The following SH3RF3 variants were observed in gnomAD, a reference collection of about 807,000 sequenced individuals.
SH3RF3 encodes E3 ubiquitin-protein ligase SH3RF3.
A neutral mutation model predicts 66.3 loss-of-function variants in SH3RF3; 29 were observed. That is an observed-to-expected ratio of 0.44 (90% CI 0.33 to 0.60). SH3RF3 has a LOEUF of 0.60. SH3RF3 is among the 20% of genes least tolerant of loss of function. The pLI is 0.04. For missense variants in SH3RF3, 1,194 were observed against 1,190.9 expected, an observed-to-expected ratio of 1.00 and a Z score of -0.04; for synonymous variants, 583 against 532.0, an observed-to-expected ratio of 1.10 and a Z score of -1.32.
At chr2:109,393,705 C>T (rs749875508) in intron 3 of SH3RF3, among the ~76,000 whole-genome samples, 1 of 151,926 alleles carries the variant, frequency 6.6e-6, no homozygotes, top group African/African-American at 2.4e-5. Flanking sequence ...CAAGCCCTGT[C>T]GCTCAGTGCT....
chr2:109,466,133 G>A lies in SH3RF3; in HGVS notation c.2148+16644G>A, dbSNP rs1473262626. 7.6e-5 allele frequency among the ~76,000 whole-genome samples: 10 copies of A among 130,722 alleles called. No homozygotes were observed. In the Admixed American group the frequency reaches 8.2e-4, roughly 11 times the overall value. The allele number at this position is 130,722 out of a possible 152,430, so 85.8% of individuals were successfully genotyped here. On this transcript the variant is annotated intron_variant, in intron 8 of 9. Transcript: ENST00000309415. Reference sequence around the variant, plus strand: ...CTCGCTCCGTCGCCCAGGCTGGAGTGCAGCAGTGCTATCTCGGCTCACTGC... The same window carrying A: ...CTCGCTCCGTCGCCCAGGCTGGAGTACAGCAGTGCTATCTCGGCTCACTGC...
At position 109,490,832 on chromosome 2, in the gene SH3RF3, C is replaced by T. The variant is rs1449615128; in HGVS notation, c.2376C>T (p.His792=). 16 of 1,536,820 alleles carry T rather than the reference C, an allele frequency of 1.0e-5. No individual in the cohort carries two copies. In the East Asian group the frequency reaches 3.7e-4, roughly 35 times the overall value. ...MQGAMGMEPL[H]RKAGSLDLNF... ...GTGCCATGGGGATGGAGCCTCTGCA[C>T]AGGAAGGCAGGCTCCTTGGATCTAA... The change falls in exon 9 of 10, where the codon CAC becomes CAT. Residue 792 remains histidine, a synonymous_variant. Coordinates refer to ENST00000309415, the MANE Select transcript of SH3RF3 (RefSeq NM_001099289.3).
At chr2:109,199,418 T>TTAACC (rs1678591741) in intron 1 of SH3RF3, among the ~76,000 whole-genome samples, 3 of 874 alleles carry the variant, frequency 3.4e-3, no homozygotes, top group African/African-American at 6.9e-3. Context: ...TGGAATGGAA[T>TTAACC]GGAATGGAAT....
rs150748219 is a variant in SH3RF3, at chr2:109,473,482, A to G, written c.2149-17123A>G. ...GGCTGTGGGGGATGTAAAATAGCAG[A>G]TATAGGTGATAAAGAAGGCCTGAGC... On this transcript the variant is annotated intron_variant, in intron 8 of 9. Coordinates refer to ENST00000309415, the MANE Select transcript of SH3RF3 (RefSeq NM_001099289.3). 5.9e-4 allele frequency among the ~76,000 whole-genome samples: 90 copies of G among 152,280 alleles called. 1 individual carries two copies. The highest frequency in any genetic ancestry group is 1.0e-3 in the South Asian group (5 of 4,818).
intron 2 of SH3RF3, among the ~76,000 whole-genome samples, chr2:109,362,798 T>A (rs901686275): frequency 6.6e-6 from 1 of 152,186 alleles, no homozygotes; most frequent in Non-Finnish European, 1.5e-5. Context: ...CTTGGGGAAT[T>A]GACCCCTTCG....
intron 1 of SH3RF3, among the ~76,000 whole-genome samples, chr2:109,321,403 A>C (rs1264875620): frequency 6.6e-6 from 1 of 152,268 alleles, no homozygotes; most frequent in Non-Finnish European, 1.5e-5. Flanking sequence ...TTTGAAGTGG[A>C]AATTAGTTGA....
intron 7 of SH3RF3, among the ~76,000 whole-genome samples, chr2:109,447,035 G>A (rs1483825170): frequency 2.0e-5 from 3 of 151,560 alleles, no homozygotes; most frequent in East Asian, 1.9e-4. Flanking sequence ...TAAATGACCC[G>A]AGGCCCCTGG....
At chr2:109,162,141 T>C (rs1677504327) in intron 1 of SH3RF3, among the ~76,000 whole-genome samples, 2 of 152,184 alleles carry the variant, frequency 1.3e-5, no homozygotes, top group South Asian at 4.1e-4. Flanking sequence ...CCTTTACAAA[T>C]GCTTTGGCTC....
intron 2 of SH3RF3, among the ~76,000 whole-genome samples, chr2:109,369,025 A>G (rs917926620): frequency 6.6e-6 from 1 of 152,044 alleles, no homozygotes; most frequent in Admixed American, 6.6e-5. Context: ...GCCCCACTCT[A>G]GTGTCCTCGT....
At chr2:109,461,144 C>T (rs1217442616) in intron 8 of SH3RF3, among the ~76,000 whole-genome samples, 3 of 152,226 alleles carry the variant, frequency 2.0e-5, no homozygotes, top group African/African-American at 7.2e-5. Flanking sequence ...TGCTCTAACC[C>T]GATCATGTGT....
chr2:109,358,616 T>C (rs1182416208), intron 2 of SH3RF3, among the ~76,000 whole-genome samples: 1 of 152,250 alleles, frequency 6.6e-6, no homozygotes, highest in Non-Finnish European at 1.5e-5. Context: ...GGTCTTTGAC[T>C]CACCATTCAA....
At chr2:109,484,360 C>A (rs1042904861) in intron 8 of SH3RF3, among the ~76,000 whole-genome samples, 2 of 152,170 alleles carry the variant, frequency 1.3e-5, no homozygotes, top group Admixed American at 6.5e-5. Context: ...AGCCACCCTG[C>A]CTGGTCATCC....
At chr2:109,383,844 G>A (rs554622950) in intron 3 of SH3RF3, among the ~76,000 whole-genome samples, 58 of 152,314 alleles carry the variant, frequency 3.8e-4, no homozygotes, top group Admixed American at 9.8e-4. Context: ...TCAGTGATCA[G>A]TCCGTCCTTA....
chr2:109,421,532 C>G (rs1184576423), intron 5 of SH3RF3, among the ~76,000 whole-genome samples: 1 of 152,236 alleles, frequency 6.6e-6, no homozygotes, highest in African/African-American at 2.4e-5. Flanking sequence ...GGACAAACCT[C>G]CATGTCCTGG....
At chr2:109,271,763 T>C (rs1033110191) in intron 1 of SH3RF3, among the ~76,000 whole-genome samples, 3 of 152,266 alleles carry the variant, frequency 2.0e-5, no homozygotes, top group African/African-American at 4.8e-5. Context: ...TATTGGACTT[T>C]TGTGGTATCA....
At chr2:109,169,690 C>T (rs1372907879) in intron 1 of SH3RF3, among the ~76,000 whole-genome samples, 1 of 151,854 alleles carries the variant, frequency 6.6e-6, no homozygotes, top group Non-Finnish European at 1.5e-5. Flanking sequence ...CATTGTTTGG[C>T]TATATCTCTC....
At chr2:109,478,068 C>T (rs1303626421) in intron 8 of SH3RF3, among the ~76,000 whole-genome samples, 1 of 152,212 alleles carries the variant, frequency 6.6e-6, no homozygotes, top group East Asian at 1.9e-4. Flanking sequence ...CCCTGAGTGT[C>T]CCATCCACCA....
intron 8 of SH3RF3, among the ~76,000 whole-genome samples, chr2:109,473,855 C>T (rs1262627471): frequency 5.3e-5 from 8 of 152,022 alleles, no homozygotes; most frequent in Admixed American, 2.0e-4. Context: ...GTCCCTGAAC[C>T]GCTCTCCTTG....
At chr2:109,479,537 G>A (rs1678778448) in intron 8 of SH3RF3, among the ~76,000 whole-genome samples, 1 of 152,062 alleles carries the variant, frequency 6.6e-6, no homozygotes, top group African/African-American at 2.4e-5. Flanking sequence ...GTGTCGGGAT[G>A]TCCAGCTTCC....
Sources: allele counts gnomAD v4.1 joint callset (sites outside exome capture counted in the v4.1 genomes callset), GRCh38; gene constraint gnomAD v4.1.1; transcripts MANE v1.5; gene names NCBI Gene and HGNC (gene_info 2026-07-23, HGNC 2026-07-21).